The following MEGF10 variants were observed in gnomAD, a reference collection of about 807,000 sequenced individuals.
MEGF10 encodes multiple EGF like domains 10, also known as multiple epidermal growth factor-like domains protein 10.
A neutral mutation model predicts 147.5 loss-of-function variants in MEGF10; 86 were observed. The ratio of observed to expected loss-of-function variants is 0.58; its 90% confidence interval spans 0.49 to 0.70. The LOEUF (loss-of-function observed/expected upper bound fraction) is 0.70. MEGF10 is among the 30% of genes least tolerant of loss of function. The probability of loss-of-function intolerance (pLI) is 0.00; values close to 1 mark genes in which losing one functional copy is unlikely to be tolerated. For synonymous variants in MEGF10, 478 were observed against 525.5 expected (o/e 0.91, Z 1.24); for missense variants, 1,329 against 1,487.3 (o/e 0.89, Z 1.75).
the MEGF10 span, among the ~76,000 whole-genome samples, chr5:127,246,930 A>ACATATAC: frequency 2.2e-4 from 29 of 129,856 alleles, no homozygotes; most frequent in South Asian, 4.6e-4. Context: ...TTATACAATA[A>ACATATAC]TATATGATTA....
intron 18 of MEGF10, 54 bp from the exon 19 acceptor site, chr5:127,442,944 G>C (rs902122227): frequency 1.3e-6 from 2 of 1,573,310 alleles, no homozygotes; most frequent in African/African-American, 2.7e-5. Context: ...GTCAGAGACA[G>C]CCTTGCTCCA....
intron 4 of MEGF10, among the ~76,000 whole-genome samples, chr5:127,350,849 G>T (rs1316913295): frequency 6.6e-6 from 1 of 152,092 alleles, no homozygotes; most frequent in Non-Finnish European, 1.5e-5. Context: ...GAGTGTATGG[G>T]ATATTTTGAC....
At chr5:127,342,897 G>A (rs1284214398) in intron 4 of MEGF10, among the ~76,000 whole-genome samples, 1 of 152,008 alleles carries the variant, frequency 6.6e-6, no homozygotes, top group Admixed American at 6.6e-5. Context: ...TCACTGGCCT[G>A]GAAGCTGTTG....
At chr5:127,403,478 A>G (rs1365702892) in intron 8 of MEGF10, among the ~76,000 whole-genome samples, 1 of 152,218 alleles carries the variant, frequency 6.6e-6, no homozygotes, top group East Asian at 1.9e-4. Context: ...CAGAAAGTAC[A>G]ATGAAGTTAC....
At chr5:127,430,037 A>G (rs1406350047) in intron 13 of MEGF10, among the ~76,000 whole-genome samples, 1 of 152,100 alleles carries the variant, frequency 6.6e-6, no homozygotes, top group Non-Finnish European at 1.5e-5. Context: ...CAAAGGACAG[A>G]CACTTCTTTG....
At chr5:127,309,624 T>A (rs964470334) in intron 1 of MEGF10, among the ~76,000 whole-genome samples, 21 of 152,216 alleles carry the variant, frequency 1.4e-4, no homozygotes, top group African/African-American at 5.1e-4. Context: ...GCCAGTTTCA[T>A]TGCTTTTTGA....
the MEGF10 span, among the ~76,000 whole-genome samples, chr5:127,281,916 T>G: frequency 6.6e-6 from 1 of 152,236 alleles, no homozygotes; most frequent in Non-Finnish European, 1.5e-5. Context: ...GGGACAAGAT[T>G]GCTTAAGCCC....
chr5:127,375,027 C>T (rs1762974643), intron 5 of MEGF10, among the ~76,000 whole-genome samples: 1 of 152,178 alleles, frequency 6.6e-6, no homozygotes, highest in Admixed American at 6.5e-5. Context: ...TCATTACTGT[C>T]ATGGGAGTAT....
At chr5:127,436,485 C>T (rs1765556904) in intron 16 of MEGF10, among the ~76,000 whole-genome samples, 1 of 152,196 alleles carries the variant, frequency 6.6e-6, no homozygotes, top group Non-Finnish European at 1.5e-5. Flanking sequence ...GGGGGCATCA[C>T]TTCAGAAGAA....
At chr5:127,442,293 C>A (rs1165380393) in intron 18 of MEGF10, among the ~76,000 whole-genome samples, 2 of 152,182 alleles carry the variant, frequency 1.3e-5, no homozygotes, top group Non-Finnish European at 2.9e-5. Flanking sequence ...CACATTGCCC[C>A]CTGCTGCTCA....
intron 13 of MEGF10, among the ~76,000 whole-genome samples, chr5:127,427,295 C>T (rs191934491): frequency 1.2e-3 from 190 of 152,196 alleles, no homozygotes; most frequent in Non-Finnish European, 2.2e-3. Flanking sequence ...ACAGAAACCA[C>T]ATAATCAATG....
intron 1 of MEGF10, among the ~76,000 whole-genome samples, chr5:127,319,506 G>A (rs898271299): frequency 1.3e-5 from 2 of 152,124 alleles, no homozygotes; most frequent in African/African-American, 4.8e-5. Flanking sequence ...TTTAGGTACT[G>A]AGGATACTGC....
chr5:127,324,422 A>T (rs1192230409), intron 1 of MEGF10, among the ~76,000 whole-genome samples: 1 of 152,182 alleles, frequency 6.6e-6, no homozygotes, highest in East Asian at 1.9e-4. Flanking sequence ...TGAACCCAGA[A>T]TATATAACCA....
At chr5:127,410,633 C>T in intron 9 of MEGF10, 32 bp downstream of exon 9, 1 of 1,544,222 alleles carries the variant, frequency 6.5e-7, no homozygotes, top group South Asian at 1.2e-5. Flanking sequence ...AAGGACGTGT[C>T]CTGTGAAAGT....
chr5:127,288,086 C>T (rs1481765481), upstream of MEGF10, among the ~76,000 whole-genome samples: 1 of 152,038 alleles, frequency 6.6e-6, no homozygotes, highest in East Asian at 1.9e-4. Context: ...TCATACCATA[C>T]ACAAAGGTTA....
At chr5:127,421,331 G>A (rs777961217) in intron 12 of MEGF10, among the ~76,000 whole-genome samples, 5 of 152,104 alleles carry the variant, frequency 3.3e-5, no homozygotes, top group Non-Finnish European at 7.4e-5. Flanking sequence ...CAAAATGATT[G>A]TTTTCTTTTT....
intron 21 of MEGF10, 152 bp from the exon 22 acceptor site, chr5:127,448,947 C>A (rs1190639360): frequency 3.5e-6 from 3 of 863,262 alleles, no homozygotes; most frequent in African/African-American, 3.4e-5. Context: ...CAAGTCCCAC[C>A]AGGTTACAAG....
At chr5:127,240,169 C>T in the MEGF10 span, among the ~76,000 whole-genome samples, 1 of 152,220 alleles carries the variant, frequency 6.6e-6, no homozygotes, top group Admixed American at 6.5e-5. Flanking sequence ...AGGCTTGTCC[C>T]TCAGACCAGA....
At chr5:127,409,713 C>T (rs928493508) in intron 8 of MEGF10, 6 of 153,236 alleles carry the variant, frequency 3.9e-5, no homozygotes, top group African/African-American at 1.4e-4. Context: ...CAATACCCCA[C>T]TAGCCAAACA....
Sources: gnomAD v4.1 joint callset for allele counts (sites outside exome capture counted in the v4.1 genomes callset) on GRCh38, gnomAD v4.1.1 for gene constraint, MANE v1.5 for transcripts, NCBI Gene and HGNC (gene_info 2026-07-23, HGNC 2026-07-21) for gene names.